Variants in EPHA5 observed in about 807,000 individuals in gnomAD.
The protein encoded by EPHA5 is ephrin type-A receptor 5.
Under a neutral mutation model 105.0 loss-of-function variants are expected in EPHA5, and 60 were observed. That is an observed-to-expected ratio of 0.57 (90% confidence interval 0.46 to 0.71). EPHA5 has a LOEUF of 0.71. Among genes scored for constraint, EPHA5 ranks in the 30% least tolerant of loss-of-function variants. The pLI, the probability that EPHA5 is intolerant of heterozygous loss-of-function variation, is 0.00. For missense variants in EPHA5, 1,218 were observed against 1,274.7 expected (o/e 0.96, Z 0.68); for synonymous variants, 513 against 449.1 (o/e 1.14, Z -1.80).
intron 2 of EPHA5, among the ~76,000 whole-genome samples, chr4:65,621,395 A>G (rs551057990): frequency 3.4e-4 from 52 of 152,280 alleles, no homozygotes; most frequent in African/African-American, 1.0e-3. Flanking sequence ...TGGAGATAAT[A>G]AGATACCCAT....
chr4:65,354,776 G>A (rs1017115358), intron 11 of EPHA5, among the ~76,000 whole-genome samples: 4 of 151,404 alleles, frequency 2.6e-5, no homozygotes, highest in Non-Finnish European at 5.9e-5. Context: ...AGAAATAACT[G>A]GGAAGAAAAA....
In EPHA5 at chr4:65,354,446, C is replaced by A. The variant is rs192896816; in HGVS notation, c.2174-1343G>T. On this transcript the variant is annotated intron_variant, in intron 11 of 16. Coordinates refer to ENST00000613740, the MANE Select transcript of EPHA5 (RefSeq NM_001281766.3). ...TTTTCACTATATTTTAAGACACACCCCTTTACTCTTTAATAGAAACATATG... is the reference window on the plus strand; with the variant it reads ...TTTTCACTATATTTTAAGACACACCACTTTACTCTTTAATAGAAACATATG... Among the ~76,000 whole-genome samples the A allele has an allele frequency of 1.7e-3, 264 of 151,656 alleles. 1 individual carries two copies. Among genetic ancestry groups the A allele is most frequent in the African/African-American group, 6.2e-3 (255 of 41,432 alleles).
chr4:65,456,723 T>C (rs72641049), intron 5 of EPHA5, among the ~76,000 whole-genome samples: 35,241 of 151,268 alleles, frequency 0.23, 4,658 homozygotes, highest in Middle Eastern at 0.38. Flanking sequence ...AATAAACATA[T>C]ACACACACAC....
chr4:65,443,582 G>A (rs1366451029), intron 5 of EPHA5, among the ~76,000 whole-genome samples: 1 of 152,068 alleles, frequency 6.6e-6, no homozygotes, highest in African/African-American at 2.4e-5. Context: ...GAGGGCCTTT[G>A]AAGGGGTGCA....
chr4:65,634,762 C>T (rs921382700), intron 2 of EPHA5, among the ~76,000 whole-genome samples: 1 of 151,942 alleles, frequency 6.6e-6, no homozygotes. Flanking sequence ...TTACCCACTT[C>T]AGCATTACTT....
intron 8 of EPHA5, among the ~76,000 whole-genome samples, chr4:65,382,660 T>C (rs187617544): frequency 6.6e-6 from 1 of 151,952 alleles, no homozygotes; most frequent in African/African-American, 2.4e-5. Flanking sequence ...CAAACCTGGC[T>C]ACACATTAGA....
chr4:65,403,642 T>C (rs1326523952), intron 8 of EPHA5, among the ~76,000 whole-genome samples: 2 of 152,068 alleles, frequency 1.3e-5, no homozygotes, highest in Admixed American at 6.6e-5. Context: ...TATTGCATTT[T>C]ATTTTATTTT....
At chr4:65,375,331 C>T (rs968974205) in intron 8 of EPHA5, among the ~76,000 whole-genome samples, 1 of 151,522 alleles carries the variant, frequency 6.6e-6, no homozygotes, top group Admixed American at 6.6e-5. Flanking sequence ...TACACATGCA[C>T]ATATACAAAC....
chr4:65,651,683 T>C lies in EPHA5; in HGVS notation c.182-8256A>G, dbSNP rs558815964. 3.9e-5 allele frequency among the ~76,000 whole-genome samples: 6 copies of C among 152,338 alleles called. No individual in the cohort carries two copies. The South Asian group carries it at 1.2e-3, about 32-fold the overall frequency. ...TTATTTTACCCCAAAGTATTTTTCA[T>C]CACCACAAAGATGTTATAGACATTG... is the stretch of plus-strand genomic sequence containing the variant. On this transcript the variant is annotated intron_variant, in intron 1 of 16. Coordinates refer to ENST00000613740, the MANE Select transcript of EPHA5 (RefSeq NM_001281766.3).
Position 65,400,254 on chromosome 4 carries a change from C to T in EPHA5, c.1793+4120G>A, listed in dbSNP as rs867204801. Among the ~76,000 whole-genome samples, 5 of 152,184 alleles carry T rather than the reference C, an allele frequency of 3.3e-5. 1 individual carries two copies. The South Asian group carries it at 8.3e-4, about 25-fold the overall frequency. On this transcript the variant is annotated intron_variant, in intron 8 of 16. Transcript: ENST00000613740. ...CCAATGTCATTAGTGATAAAAGAGA[C>T]AGATTAAAGGGCAATTTCAATATGC...
intron 3 of EPHA5, among the ~76,000 whole-genome samples, chr4:65,583,576 G>C (rs1741847436): frequency 6.6e-6 from 1 of 151,648 alleles, no homozygotes. Context: ...AGACCCCACA[G>C]AATAAAAGAC....
chr4:65,479,174 A>C (rs1296409631), intron 5 of EPHA5, among the ~76,000 whole-genome samples: 1 of 152,200 alleles, frequency 6.6e-6, no homozygotes, highest in Non-Finnish European at 1.5e-5. Context: ...GCCAAGCATT[A>C]AACTAATTGT....
At chr4:65,661,443 T>G (rs1749550357) in intron 1 of EPHA5, among the ~76,000 whole-genome samples, 1 of 152,168 alleles carries the variant, frequency 6.6e-6, no homozygotes, top group Non-Finnish European at 1.5e-5. Flanking sequence ...GGTTCGAAAC[T>G]AGGTGTGGTT....
chr4:65,411,352 G>A (rs1722891842), intron 7 of EPHA5, among the ~76,000 whole-genome samples: 1 of 151,848 alleles, frequency 6.6e-6, no homozygotes, highest in South Asian at 2.1e-4. Context: ...TTAACTTTTT[G>A]TTGACAAATG....
chr4:65,376,189 C>T (rs1718986200), intron 8 of EPHA5, among the ~76,000 whole-genome samples: 1 of 151,926 alleles, frequency 6.6e-6, no homozygotes, highest in Non-Finnish European at 1.5e-5. Context: ...AGTCCTCTAA[C>T]ATGCATTAGA....
At chr4:65,413,029 C>A (rs1044811240) in intron 7 of EPHA5, among the ~76,000 whole-genome samples, 1 of 152,090 alleles carries the variant, frequency 6.6e-6, no homozygotes, top group African/African-American at 2.4e-5. Context: ...TAAATAGAAT[C>A]AAGTCTTGTT....
intron 3 of EPHA5, among the ~76,000 whole-genome samples, chr4:65,524,214 A>T (rs1227384165): frequency 1.3e-5 from 2 of 151,776 alleles, no homozygotes; most frequent in African/African-American, 4.8e-5. Context: ...CAATTTTTTA[A>T]AAGGTATACT....
intron 8 of EPHA5, among the ~76,000 whole-genome samples, chr4:65,377,927 A>C (rs1719171518): frequency 6.6e-6 from 1 of 152,094 alleles, no homozygotes; most frequent in Middle Eastern, 3.4e-3. Flanking sequence ...CAGAACTATA[A>C]TGTGAGCTCA....
intron 8 of EPHA5, among the ~76,000 whole-genome samples, chr4:65,370,143 A>T (rs1026260084): frequency 2.6e-5 from 4 of 152,146 alleles, no homozygotes; most frequent in Non-Finnish European, 5.9e-5. Context: ...TTTTATTCAT[A>T]ACACTTAGAT....
Sources: allele counts gnomAD v4.1 joint callset (sites outside exome capture counted in the v4.1 genomes callset), GRCh38; gene constraint gnomAD v4.1.1; transcripts MANE v1.5; gene names NCBI Gene and HGNC (gene_info 2026-07-23, HGNC 2026-07-21).